The following DLGAP1 variants were observed in gnomAD, a reference collection of about 807,000 sequenced individuals.
The protein encoded by DLGAP1 is DLG associated protein 1, also known as disks large-associated protein 1.
In DLGAP1, 11 loss-of-function variants were observed where a neutral mutation model predicts 90.8. The observed-to-expected ratio is 0.12, with a 90% CI of 0.08 to 0.20. DLGAP1 has a LOEUF of 0.20. Among genes scored for constraint, DLGAP1 ranks in the 10% least tolerant of loss-of-function variants. The pLI is 1.00. For missense variants in DLGAP1, 1,050 were observed against 1,333.8 expected, an observed-to-expected ratio of 0.79 and a Z score of 3.31; for synonymous variants, 558 against 540.7, an observed-to-expected ratio of 1.03 and a Z score of -0.44.
At chr18:3,548,270 A>G (rs1599169042) in intron 9 of DLGAP1, among the ~76,000 whole-genome samples, 1 of 118,344 alleles carries the variant, frequency 8.4e-6, no homozygotes, top group African/African-American at 4.8e-5. Flanking sequence ...TCTTAGTATA[A>G]TTTTTCTAAA....
At chr18:4,127,340 T>C (rs975223951) in intron 2 of DLGAP1, among the ~76,000 whole-genome samples, 2 of 152,176 alleles carry the variant, frequency 1.3e-5, no homozygotes, top group African/African-American at 2.4e-5. Context: ...TTTAGTCTCT[T>C]TTTTCCACCC....
intron 1 of DLGAP1, among the ~76,000 whole-genome samples, chr18:4,204,901 T>C (rs1209626084): frequency 2.0e-5 from 3 of 152,024 alleles, no homozygotes; most frequent in Non-Finnish European, 4.4e-5. Context: ...TTGTGGTTTG[T>C]TTTCTTTCAT....
chr18:4,066,454 C>T (rs1160350106), intron 2 of DLGAP1, among the ~76,000 whole-genome samples: 1 of 152,020 alleles, frequency 6.6e-6, no homozygotes, highest in Admixed American at 6.6e-5. Context: ...TATCCAGCAT[C>T]TACAAAGAAC....
At position 4,379,157 on chromosome 18, in the gene DLGAP1, G is replaced by A. The variant is rs73941478; in HGVS notation, c.-267+75849C>T. On this transcript the variant is annotated intron_variant, in intron 1 of 12. Transcript: ENST00000315677. ...ATGGGAAACTATGGAAGCCCCAGGG[G>A]CTATGTGTACTAATTATTTAGCAGA... Among the ~76,000 whole-genome samples, 1,288 of 152,246 alleles carry A rather than the reference G, an allele frequency of 8.5e-3. 17 individuals are homozygous for A. Among genetic ancestry groups the A allele is most frequent in the African/African-American group, 0.029 (1,186 of 41,554 alleles).
At chr18:4,420,344 T>C (rs1395590418) in intron 1 of DLGAP1, among the ~76,000 whole-genome samples, 2 of 152,196 alleles carry the variant, frequency 1.3e-5, no homozygotes, top group Non-Finnish European at 2.9e-5. Context: ...TTCACATTTA[T>C]AGACCACTCC....
At chr18:3,816,676 G>A (rs2067121948) in intron 4 of DLGAP1, among the ~76,000 whole-genome samples, 1 of 152,096 alleles carries the variant, frequency 6.6e-6, no homozygotes, top group South Asian at 2.1e-4. Context: ...GCGGAGGGGT[G>A]GTATTATTAT....
intron 1 of DLGAP1, among the ~76,000 whole-genome samples, chr18:4,424,753 T>A (rs4797165): frequency 0.94 from 142,719 of 152,220 alleles, 67,560 homozygotes; most frequent in East Asian, 1. Flanking sequence ...TATTTCTTAG[T>A]CATGATTTTT....
chr18:4,225,762 G>C (rs1279742162), intron 1 of DLGAP1, among the ~76,000 whole-genome samples: 8 of 151,738 alleles, frequency 5.3e-5, no homozygotes. Flanking sequence ...GGAGATAAAA[G>C]CAAAATTAAT....
intron 1 of DLGAP1, among the ~76,000 whole-genome samples, chr18:4,426,526 A>C (rs1279241556): frequency 6.6e-6 from 1 of 152,206 alleles, no homozygotes; most frequent in Non-Finnish European, 1.5e-5. Context: ...GAATAGTGTT[A>C]AGAATGGTGG....
chr18:3,821,326 T>G (rs1330079372), intron 4 of DLGAP1, among the ~76,000 whole-genome samples: 1 of 148,856 alleles, frequency 6.7e-6, no homozygotes, highest in Non-Finnish European at 1.5e-5. Flanking sequence ...TGAAACGACT[T>G]GCCCAAGGTC....
At chr18:3,848,674 TC>T (rs1175788061) in intron 4 of DLGAP1, among the ~76,000 whole-genome samples, 1 of 152,178 alleles carries the variant, frequency 6.6e-6, no homozygotes, top group Non-Finnish European at 1.5e-5. Context: ...ACCTGGGTAC[TC>T]TTTTTGGACA....
At chr18:3,630,537 T>C (rs1323121685) in intron 7 of DLGAP1, among the ~76,000 whole-genome samples, 1 of 152,220 alleles carries the variant, frequency 6.6e-6, no homozygotes, top group Non-Finnish European at 1.5e-5. Flanking sequence ...TCTGTGTCTC[T>C]GAAGAACCCT....
At chr18:3,872,914 T>C (rs1489026960) in intron 4 of DLGAP1, among the ~76,000 whole-genome samples, 2 of 152,198 alleles carry the variant, frequency 1.3e-5, no homozygotes, top group African/African-American at 4.8e-5. Context: ...ATGCTATGCC[T>C]TTAATTAGTA....
chr18:4,177,990 C>T (rs998512164), intron 1 of DLGAP1, among the ~76,000 whole-genome samples: 6 of 151,908 alleles, frequency 3.9e-5, no homozygotes, highest in African/African-American at 1.5e-4. Flanking sequence ...GACATACATC[C>T]CTACCACTTC....
intron 2 of DLGAP1, among the ~76,000 whole-genome samples, chr18:4,115,985 G>A (rs2144055098): frequency 6.6e-6 from 1 of 152,176 alleles, no homozygotes; most frequent in Admixed American, 6.5e-5. Flanking sequence ...ACCTTTATTA[G>A]CACTCTTTCT....
chr18:3,717,811 TTGCTGAACCAC>T (rs2061817767), intron 7 of DLGAP1, among the ~76,000 whole-genome samples: 1 of 152,196 alleles, frequency 6.6e-6, no homozygotes, highest in South Asian at 2.1e-4. Flanking sequence ...AGATGGCTAA[TTGCTGAACCAC>T]TGCAAAGCTA....
At chr18:3,873,884 G>A (rs1290638914) in intron 4 of DLGAP1, among the ~76,000 whole-genome samples, 1 of 152,048 alleles carries the variant, frequency 6.6e-6, no homozygotes, top group Non-Finnish European at 1.5e-5. Context: ...TCCTCTAAGA[G>A]CACCTAGCAG....
intron 3 of DLGAP1, among the ~76,000 whole-genome samples, chr18:3,945,768 A>G (rs984321170): frequency 1.6e-5 from 2 of 125,690 alleles, no homozygotes; most frequent in Non-Finnish European, 3.3e-5. Context: ...TGTACCCTAA[A>G]ACTTAAAGTA....
chr18:4,366,037 A>C (rs1368336478), intron 1 of DLGAP1, among the ~76,000 whole-genome samples: 2 of 152,116 alleles, frequency 1.3e-5, no homozygotes, highest in African/African-American at 4.8e-5. Context: ...TTGGTGAATG[A>C]TTTATAGACA....
Sources: allele counts gnomAD v4.1 joint callset (sites outside exome capture counted in the v4.1 genomes callset), GRCh38; gene constraint gnomAD v4.1.1; transcripts MANE v1.5; gene names NCBI Gene and HGNC (gene_info 2026-07-23, HGNC 2026-07-21).